Variants in TTC39A observed in about 807,000 individuals in gnomAD.
TTC39A encodes the protein tetratricopeptide repeat protein 39A.
Under a neutral mutation model 82.3 loss-of-function variants are expected in TTC39A, and 46 were observed. The observed-to-expected ratio is 0.56, with a 90% CI of 0.44 to 0.71. The LOEUF (loss-of-function observed/expected upper bound fraction) is 0.71. Ranked by LOEUF, TTC39A falls within the 30% of genes least tolerant of loss-of-function variation. The pLI, the probability that TTC39A is intolerant of heterozygous loss-of-function variation, is 0.00. For synonymous variants in TTC39A, 254 were observed against 275.2 expected, an observed-to-expected ratio of 0.92 and a Z score of 0.76; for missense variants, 543 against 712.9, an observed-to-expected ratio of 0.76 and a Z score of 2.71.
rs1452895332 is a variant in TTC39A, at chr1:51,312,189, C to T, written c.285G>A (p.Arg95=). 1.2e-6 allele frequency: 2 copies of T among 1,606,884 alleles called. No homozygotes were observed. The highest frequency in any genetic ancestry group is 1.7e-5 in the Admixed American group (1 of 59,090). The change falls in exon 4 of 18, where the codon CGG becomes CGA. Residue 95 remains arginine, a synonymous_variant. Coordinates refer to ENST00000680483, the MANE Select transcript of TTC39A (RefSeq NM_001297663.2). ...KEAQMLCQRH[R]RKSSVTDSFS... is the part of the protein sequence containing the mutation. Reference sequence around the variant, plus strand: ...AGGAATCTGTTACAGAAGACTTCCTCCGGTGCCTGAAGAGGAAAAAGAGGG... The same window carrying T: ...AGGAATCTGTTACAGAAGACTTCCTTCGGTGCCTGAAGAGGAAAAAGAGGG...
rs954396517 is a variant in TTC39A at position 51,301,478 on chromosome 1, G to A, written c.1053+94C>T. 6.3e-6 allele frequency: 9 copies of A among 1,432,122 alleles called. No homozygotes were observed. In the East Asian group the frequency reaches 2.0e-4, roughly 32 times the overall value. 88.7% of individuals were successfully genotyped at this position (1,432,122 alleles called of 1,614,324 possible). ...AAGGTTATGTTTAGATTCCAGCTGAGACATCTGTGTTCAGTTAGGGATTTG... is the reference window on the plus strand; with the variant it reads ...AAGGTTATGTTTAGATTCCAGCTGAAACATCTGTGTTCAGTTAGGGATTTG... On this transcript the variant is annotated intron_variant, in intron 12 of 17. Transcript: ENST00000680483.
chr1:51,290,582 T>A lies in TTC39A; in HGVS notation c.1310A>T (p.Gln437Leu). 6.2e-7 allele frequency: 1 copy of A among 1,613,976 alleles called. No homozygotes were observed. Among genetic ancestry groups the A allele is most frequent in the South Asian group, 1.1e-5 (1 of 91,044 alleles). ...AAGTATCCCATCCGTGAGTTTCGGC[T>A]GCTTCCCAATCACGGCGTAGCCGTT... ...IWNGYAVIGK[Q>L]PKLTDGILEI... is the part of the protein sequence containing the mutation. The change falls in exon 15 of 18, where the codon CAG becomes CTG. Residue 437 changes from glutamine (Q) to leucine (L), a missense_variant. By Grantham distance (113) the Gln-to-Leu change is moderately radical (BLOSUM62 -2). Coordinates refer to ENST00000680483, the MANE Select transcript of TTC39A (RefSeq NM_001297663.2).
At chr1:51,316,478 C>A (rs1233943809) in intron 2 of TTC39A, among the ~76,000 whole-genome samples, 1 of 152,152 alleles carries the variant, frequency 6.6e-6, no homozygotes, top group Non-Finnish European at 1.5e-5. Context: ...CCAAGCCTGC[C>A]AACCTTCTGC....
upstream of TTC39A, chr1:51,330,743 G>A: frequency 1.8e-6 from 1 of 567,306 alleles, no homozygotes; most frequent in Non-Finnish European, 2.3e-6. The surrounding 1 kb of genome is among the most constrained non-coding windows in gnomAD (Gnocchi z 4.5). Flanking sequence ...GTGAGAGCCC[G>A]GCGCCCTCTG....
chr1:51,309,404 C>A, intron 5 of TTC39A, 79 bp from the exon 6 acceptor site: 1 of 1,603,364 alleles, frequency 6.2e-7, no homozygotes, highest in Non-Finnish European at 8.5e-7. Flanking sequence ...AGGCTCTGGG[C>A]CTGACTGCCC....
intron 1 of TTC39A, among the ~76,000 whole-genome samples, chr1:51,343,395 TC>T (rs1646060859): frequency 6.6e-6 from 1 of 152,176 alleles, no homozygotes; most frequent in Non-Finnish European, 1.5e-5. Flanking sequence ...AAATTCCTGG[TC>T]CTGTTTGTTC....
intron 1 of TTC39A, among the ~76,000 whole-genome samples, chr1:51,327,976 C>T (rs1398557095): frequency 2.0e-5 from 3 of 152,134 alleles, no homozygotes; most frequent in Non-Finnish European, 4.4e-5. Flanking sequence ...GGATTATAGG[C>T]GTGAGCAACT....
Position 51,290,010 on chromosome 1 carries a change from A to C in TTC39A, c.1488T>G (p.Ser496=), listed in dbSNP as rs1156272720. ...GCAGCTGCAGAGGCACTTACTTGGC[A>C]GAGATGCTCCTAAAATTCTCCTCGG... The part of the protein sequence containing the change: ...QEAEENFRSI[S]ANEKKIKYDH... The change falls in exon 16 of 18, where the codon TCT becomes TCG. Residue 496 remains serine, a synonymous_variant. Coordinates refer to ENST00000680483, the MANE Select transcript of TTC39A (RefSeq NM_001297663.2). 1 of 1,613,068 alleles carries C rather than the reference A, an allele frequency of 6.2e-7. No individual in the cohort carries two copies. Among genetic ancestry groups the C allele is most frequent in the Admixed American group, 1.7e-5 (1 of 59,852 alleles).
At chr1:51,338,795 G>A (rs1646003519) in intron 1 of TTC39A, among the ~76,000 whole-genome samples, 2 of 151,822 alleles carry the variant, frequency 1.3e-5, no homozygotes, top group Admixed American at 6.6e-5. Context: ...TAGAGACAAG[G>A]TTTCACCATG....
rs776890404 is a variant in TTC39A, at chr1:51,303,112, G to A, written c.735C>T (p.Cys245=). ...GCACGAAGGTGAGGAAGGTGTGGTAGCACAGCAGGAGCATGACACAGAGCA... is the reference window on the plus strand; with the variant it reads ...GCACGAAGGTGAGGAAGGTGTGGTAACACAGCAGGAGCATGACACAGAGCA... The part of the protein sequence containing the change: ...RSVLCVMLLL[C]YHTFLTFVLG... Residue 245 remains cysteine (C), a synonymous_variant, in exon 9 of 18, where the codon TGC becomes TGT. Transcript: ENST00000680483. 3.1e-5 allele frequency: 49 copies of A among 1,580,558 alleles called. No individual in the cohort carries two copies. The highest frequency in any genetic ancestry group is 2.7e-4 in the South Asian group (24 of 87,416).
At chr1:51,320,006 T>C (rs1645435415) in intron 2 of TTC39A, among the ~76,000 whole-genome samples, 1 of 152,134 alleles carries the variant, frequency 6.6e-6, no homozygotes, top group African/African-American at 2.4e-5. Flanking sequence ...AGGAAATTTC[T>C]ATAGGACATT....
At chr1:51,330,598 C>T, upstream of TTC39A, 4 of 982,940 alleles carry the variant, frequency 4.1e-6, no homozygotes, top group Non-Finnish European at 4.8e-6. The surrounding 1 kb of genome is among the most constrained non-coding windows in gnomAD (Gnocchi z 4.5). Flanking sequence ...AGGGGCGCGC[C>T]GGGGGCGGGG....
At chr1:51,302,686 C>T (rs1439169366) in intron 9 of TTC39A, 113 bp from the exon 10 acceptor site, 22 of 1,137,252 alleles carry the variant, frequency 1.9e-5, no homozygotes, top group African/African-American at 7.7e-5. Flanking sequence ...TCTGTGAAAT[C>T]GAGATAATTC....
intron 1 of TTC39A, among the ~76,000 whole-genome samples, chr1:51,328,356 A>AATAC (rs1645790691): frequency 1.3e-5 from 2 of 152,066 alleles, no homozygotes; most frequent in African/African-American, 4.8e-5. Context: ...AAGAAGGATA[A>AATAC]ACAAATGGAG....
chr1:51,293,130 C>T (rs1042744117), intron 14 of TTC39A, among the ~76,000 whole-genome samples: 13 of 150,866 alleles, frequency 8.6e-5, no homozygotes, highest in African/African-American at 2.9e-4. Flanking sequence ...TGCAATGGCA[C>T]GATCTCAGCT....
chr1:51,327,216 T>C (rs1023660680), intron 1 of TTC39A, among the ~76,000 whole-genome samples: 1 of 151,896 alleles, frequency 6.6e-6, no homozygotes, highest in Non-Finnish European at 1.5e-5. Context: ...GAGGTGGGTG[T>C]GGGGTGGGTG....
chr1:51,291,260 A>G (rs34394614), intron 14 of TTC39A, among the ~76,000 whole-genome samples: 24,483 of 150,652 alleles, frequency 0.16, 3,119 homozygotes, highest in African/African-American at 0.36. Context: ...GGAGGCCGAG[A>G]TGAGTGGATC....
intron 6 of TTC39A, among the ~76,000 whole-genome samples, chr1:51,308,675 G>A (rs182319410): frequency 2.0e-5 from 3 of 152,308 alleles, no homozygotes; most frequent in Admixed American, 6.5e-5. Flanking sequence ...TGTTCCAAAC[G>A]GAATCTTCAT....
Position 51,321,844 on chromosome 1 carries a change from G to T in TTC39A, c.42-19C>A. On this transcript the variant is annotated intron_variant, in intron 1 of 17. Transcript: ENST00000680483. The surrounding 1 kb of genome is among the most constrained non-coding windows in gnomAD (Gnocchi z 4.6). ...AGGAGTCCTGGGGGAAGAGATGCGG[G>T]GCATGACACAGGGGCCCTCCAACCC... 1 of 1,604,928 alleles carries T rather than the reference G, an allele frequency of 6.2e-7. No homozygotes were observed. The highest frequency in any genetic ancestry group is 8.5e-7 in the Non-Finnish European group (1 of 1,174,308).
Sources: gnomAD v4.1 joint callset for allele counts (sites outside exome capture counted in the v4.1 genomes callset) on GRCh38, gnomAD v4.1.1 for gene constraint, Gnocchi (gnomAD v3.1) non-coding constraint, MANE v1.5 for transcripts, NCBI Gene and HGNC (gene_info 2026-07-23, HGNC 2026-07-21) for gene names.